EIF3H: variants seen among roughly 807,000 people sequenced by gnomAD.
EIF3H encodes the protein eukaryotic translation initiation factor 3 subunit H.
A neutral mutation model predicts 44.2 loss-of-function variants in EIF3H; 26 were observed. The observed-to-expected ratio is 0.59, with a 90% CI of 0.43 to 0.82. The LOEUF (loss-of-function observed/expected upper bound fraction) is 0.82, where lower values mean the gene tolerates loss of function less well. Ranked by LOEUF, EIF3H falls within the 40% of genes least tolerant of loss-of-function variation. The pLI, the probability that EIF3H is intolerant of heterozygous loss-of-function variation, is 0.00. For missense variants in EIF3H, 359 were observed against 432.8 expected (o/e 0.83, Z 1.51); for synonymous variants, 166 against 151.9 (o/e 1.09, Z -0.68).
chr8:116,764,997 G>C (rs1337983259), intron 1 of EIF3H, among the ~76,000 whole-genome samples: 1 of 152,158 alleles, frequency 6.6e-6, no homozygotes, highest in African/African-American at 2.4e-5. Context: ...CCCTAGTGCT[G>C]CACCACATTT....
At chr8:116,753,843 C>G (rs764071156) in intron 1 of EIF3H, among the ~76,000 whole-genome samples, 14 of 152,202 alleles carry the variant, frequency 9.2e-5, no homozygotes, top group Non-Finnish European at 1.3e-4. Context: ...TAGATTTATG[C>G]CACCGACCTG....
chr8:116,736,142 A>G (rs960307988), intron 1 of EIF3H, among the ~76,000 whole-genome samples: 1 of 152,260 alleles, frequency 6.6e-6, no homozygotes, highest in Admixed American at 6.5e-5. Flanking sequence ...TATGTATGAC[A>G]CATATGATTT....
At chr8:116,753,048 A>G (rs1286529243) in intron 1 of EIF3H, among the ~76,000 whole-genome samples, 1 of 152,230 alleles carries the variant, frequency 6.6e-6, no homozygotes, top group Non-Finnish European at 1.5e-5. Flanking sequence ...AAACGCATAA[A>G]GAACATACCA....
chr8:116,741,136 T>C (rs1399547326), intron 1 of EIF3H, among the ~76,000 whole-genome samples: 1 of 152,198 alleles, frequency 6.6e-6, no homozygotes, highest in Non-Finnish European at 1.5e-5. Context: ...ATTTCACCTA[T>C]TCTCATTCAT....
At chr8:116,680,400 G>GA (rs1157648640) in intron 2 of EIF3H, among the ~76,000 whole-genome samples, 2 of 68,400 alleles carry the variant, frequency 2.9e-5, no homozygotes, top group Admixed American at 1.3e-4. Flanking sequence ...GAAGAGTGGG[G>GA]AAAAAATTGA....
At chr8:116,677,261 C>T (rs1186350310) in intron 2 of EIF3H, among the ~76,000 whole-genome samples, 2 of 152,178 alleles carry the variant, frequency 1.3e-5, no homozygotes, top group Non-Finnish European at 2.9e-5. Context: ...CAGAATTTTA[C>T]TCCACTGGGC....
intron 2 of EIF3H, among the ~76,000 whole-genome samples, chr8:116,676,052 G>A (rs539754086): frequency 3.3e-5 from 5 of 152,320 alleles, no homozygotes; most frequent in Non-Finnish European, 7.4e-5. Flanking sequence ...AAGTATTTAA[G>A]CTAATTCACT....
At chr8:116,693,989 A>T (rs1342024275) in intron 2 of EIF3H, among the ~76,000 whole-genome samples, 1 of 152,132 alleles carries the variant, frequency 6.6e-6, no homozygotes, top group African/African-American at 2.4e-5. Context: ...TATTTCAATC[A>T]TTCTCCTACT....
At chr8:116,737,264 A>G (rs935895854) in intron 1 of EIF3H, 3 of 449,394 alleles carry the variant, frequency 6.7e-6, no homozygotes, top group African/African-American at 2.0e-5. Context: ...AATATTTTCT[A>G]TCTACGTACT....
rs1815519924 is a variant in EIF3H at position 116,761,672 on chromosome 8, T to C, written c.-27+3843A>G. On this transcript the variant is annotated intron_variant, in intron 1 of 9. Transcript: ENST00000276682. ...GTCTAATTTTATAGTGATCCGACAATAGTCATCTGATAACTGATGATGGGC... is the reference window on the plus strand; with the variant it reads ...GTCTAATTTTATAGTGATCCGACAACAGTCATCTGATAACTGATGATGGGC... 2.0e-5 allele frequency among the ~76,000 whole-genome samples: 3 copies of C among 152,236 alleles called. No individual in the cohort carries two copies. The South Asian group carries it at 6.2e-4, about 31-fold the overall frequency.
intron 1 of EIF3H, among the ~76,000 whole-genome samples, chr8:116,728,890 A>T (rs999719872): frequency 3.3e-5 from 5 of 152,200 alleles, no homozygotes; most frequent in Non-Finnish European, 7.3e-5. Flanking sequence ...CACAGTATAG[A>T]GTTCTCTGCA....
At chr8:116,709,296 T>G (rs971462854) in intron 2 of EIF3H, among the ~76,000 whole-genome samples, 5 of 152,158 alleles carry the variant, frequency 3.3e-5, no homozygotes, top group Non-Finnish European at 7.4e-5. Context: ...CCAAAAAATT[T>G]TTTAAAAAGG....
At chr8:116,660,578 A>C (rs1405225262) in intron 2 of EIF3H, among the ~76,000 whole-genome samples, 1 of 152,214 alleles carries the variant, frequency 6.6e-6, no homozygotes, top group African/African-American at 2.4e-5. Context: ...AAAAACAACC[A>C]AAGTTATTTT....
intron 7 of EIF3H, among the ~76,000 whole-genome samples, chr8:116,645,508 C>T (rs1210995401): frequency 1.3e-5 from 2 of 152,140 alleles, no homozygotes; most frequent in East Asian, 1.9e-4. Context: ...TGAACAAGTA[C>T]GGTAGGTTTT....
intron 1 of EIF3H, among the ~76,000 whole-genome samples, chr8:116,752,774 AGGG>A (rs1465849037): frequency 0.071 from 3,336 of 46,916 alleles, 245 homozygotes; most frequent in Non-Finnish European, 0.12. Flanking sequence ...GGAGGGAGGG[AGGG>A]AGGGAGGGAG....
chr8:116,752,730 AAGAAG>A (rs1554603839), intron 1 of EIF3H, among the ~76,000 whole-genome samples: 81 of 128,766 alleles, frequency 6.3e-4, no homozygotes, highest in African/African-American at 2.0e-3. Context: ...GAAAGAAAGA[AAGAAG>A]AGAAAGAAAG....
intron 1 of EIF3H, chr8:116,737,254 A>C (rs1362762211): frequency 2.2e-6 from 1 of 449,116 alleles, no homozygotes; most frequent in African/African-American, 2.0e-5. Flanking sequence ...AATCATCAGC[A>C]ATATTTTCTA....
chr8:116,753,978 C>CTTATTTAACTTATTTT (rs1307730751), intron 1 of EIF3H, among the ~76,000 whole-genome samples: 3 of 152,106 alleles, frequency 2.0e-5, no homozygotes, highest in Non-Finnish European at 4.4e-5. Flanking sequence ...CTTATTTTAA[C>CTTATTTAACTTATTTT]AAGTGTAATC....
intron 1 of EIF3H, among the ~76,000 whole-genome samples, chr8:116,747,263 G>A (rs1400145191): frequency 3.3e-5 from 5 of 152,134 alleles, no homozygotes; most frequent in South Asian, 2.1e-4. Flanking sequence ...ATGGGGTTTC[G>A]CCATGTTGGC....
Sources: gnomAD v4.1 joint callset for allele counts (sites outside exome capture counted in the v4.1 genomes callset) on GRCh38, gnomAD v4.1.1 for gene constraint, MANE v1.5 for transcripts, NCBI Gene and HGNC (gene_info 2026-07-23, HGNC 2026-07-21) for gene names.